Variants in NPAS3 observed in about 807,000 individuals in gnomAD.
NPAS3 encodes the protein neuronal PAS domain protein 3, also known as neuronal PAS domain-containing protein 3.
A neutral mutation model predicts 73.1 loss-of-function variants in NPAS3; 14 were observed. The ratio of observed to expected loss-of-function variants is 0.19; its 90% confidence interval spans 0.13 to 0.30. The LOEUF (loss-of-function observed/expected upper bound fraction) is 0.30. Ranked by LOEUF, NPAS3 falls within the 10% of genes least tolerant of loss-of-function variation. The probability of loss-of-function intolerance (pLI) is 1.00; values close to 1 mark genes in which losing one functional copy is unlikely to be tolerated. For synonymous variants in NPAS3, 620 were observed against 541.5 expected, an observed-to-expected ratio of 1.14 and a Z score of -2.01; for missense variants, 1,096 against 1,250.0, an observed-to-expected ratio of 0.88 and a Z score of 1.86.
At chr14:33,226,001 A>G (rs1364237464) in intron 3 of NPAS3, among the ~76,000 whole-genome samples, 2 of 152,234 alleles carry the variant, frequency 1.3e-5, no homozygotes, top group African/African-American at 2.4e-5. Context: ...GATGGCTGTC[A>G]TGACTAAATT....
At chr14:33,243,634 G>A (rs914405857) in intron 3 of NPAS3, among the ~76,000 whole-genome samples, 1 of 152,064 alleles carries the variant, frequency 6.6e-6, no homozygotes, top group Non-Finnish European at 1.5e-5. Flanking sequence ...TCTGCTGCCT[G>A]GATGCTGAAG....
chr14:32,987,371 G>A (rs1395209094), intron 1 of NPAS3, among the ~76,000 whole-genome samples: 1 of 150,854 alleles, frequency 6.6e-6, no homozygotes, highest in African/African-American at 2.4e-5. Flanking sequence ...CATGACATCA[G>A]GATGAAGGAA....
intron 4 of NPAS3, among the ~76,000 whole-genome samples, chr14:33,432,876 A>G (rs565551905): frequency 6.6e-6 from 1 of 152,354 alleles, no homozygotes; most frequent in African/African-American, 2.4e-5. Context: ...AACATTCATT[A>G]CCAATAATTT....
At chr14:32,969,445 T>C (rs777469442) in intron 1 of NPAS3, among the ~76,000 whole-genome samples, 3 of 152,160 alleles carry the variant, frequency 2.0e-5, no homozygotes, top group African/African-American at 2.4e-5. Context: ...AAAAATGTAC[T>C]AATAATATGC....
chr14:33,024,370 C>T (rs1416917661), intron 1 of NPAS3, among the ~76,000 whole-genome samples: 1 of 152,010 alleles, frequency 6.6e-6, no homozygotes, highest in East Asian at 1.9e-4. Flanking sequence ...AGGGGTTTTT[C>T]CATGCTGGCC....
intron 3 of NPAS3, among the ~76,000 whole-genome samples, chr14:33,268,297 C>T (rs1182593107): frequency 6.6e-6 from 1 of 152,120 alleles, no homozygotes; most frequent in African/African-American, 2.4e-5. Context: ...TGATCTCTTC[C>T]CCAGCTTAGA....
intron 7 of NPAS3, among the ~76,000 whole-genome samples, chr14:33,750,923 GCAT>G (rs974520748): frequency 5.9e-5 from 9 of 152,296 alleles, no homozygotes; most frequent in African/African-American, 2.2e-4. Flanking sequence ...CTCAAAGACA[GCAT>G]CATGTTAACC....
At chr14:33,045,789 G>T (rs932872137) in intron 1 of NPAS3, among the ~76,000 whole-genome samples, 1 of 152,148 alleles carries the variant, frequency 6.6e-6, no homozygotes, top group Non-Finnish European at 1.5e-5. Context: ...GTTGGAAATG[G>T]TTAGAGTAAT....
intron 1 of NPAS3, among the ~76,000 whole-genome samples, chr14:32,951,123 A>G (rs186254096): frequency 4.0e-4 from 61 of 152,144 alleles, no homozygotes; most frequent in Non-Finnish European, 7.9e-4. Context: ...TCAGTCTTCC[A>G]TTATCTTTGT....
chr14:33,108,752 C>T (rs2042799102), intron 2 of NPAS3, among the ~76,000 whole-genome samples: 1 of 152,018 alleles, frequency 6.6e-6, no homozygotes, highest in African/African-American at 2.4e-5. Flanking sequence ...TTCTGACAGC[C>T]TTTTTTAGGG....
At chr14:33,600,365 A>C (rs1465057222) in intron 5 of NPAS3, among the ~76,000 whole-genome samples, 1 of 152,106 alleles carries the variant, frequency 6.6e-6, no homozygotes, top group Non-Finnish European at 1.5e-5. Flanking sequence ...TATTCTCTTT[A>C]TGCATTTTCT....
At chr14:33,560,605 C>A (rs2055596330) in intron 5 of NPAS3, among the ~76,000 whole-genome samples, 1 of 152,142 alleles carries the variant, frequency 6.6e-6, no homozygotes, top group Non-Finnish European at 1.5e-5. Context: ...GACACAATGG[C>A]AGGAGTCATT....
intron 5 of NPAS3, among the ~76,000 whole-genome samples, chr14:33,602,582 A>G (rs1462653642): frequency 6.6e-6 from 1 of 152,172 alleles, no homozygotes; most frequent in African/African-American, 2.4e-5. Flanking sequence ...GCCCACACCC[A>G]CTGTTGAAGC....
intron 2 of NPAS3, among the ~76,000 whole-genome samples, chr14:33,196,538 G>A (rs1306091533): frequency 6.6e-6 from 1 of 152,162 alleles, no homozygotes; most frequent in Non-Finnish European, 1.5e-5. Flanking sequence ...CCTTGAAAAC[G>A]CATAGATGGG....
At chr14:33,262,788 G>A (rs2049021458) in intron 3 of NPAS3, among the ~76,000 whole-genome samples, 1 of 152,072 alleles carries the variant, frequency 6.6e-6, no homozygotes, top group African/African-American at 2.4e-5. Context: ...ATTTGAAAAA[G>A]TAACTGATTT....
At chr14:33,625,530 C>A (rs76990785) in intron 5 of NPAS3, among the ~76,000 whole-genome samples, 22 of 152,246 alleles carry the variant, frequency 1.4e-4, no homozygotes, top group Non-Finnish European at 2.8e-4. Context: ...TTTTGGTGAA[C>A]AACTATATGC....
rs1231098839 is a variant in NPAS3, at chr14:33,800,518, G to C, written c.2211G>C (p.Ala737=). ...CTCAGTTCGGCGCCTCGGCCACCGC[G>C]GCCCTGGCCCCCGTCGCCTCCGACC... The change falls in exon 12 of 12, where the codon GCG becomes GCC. Residue 737 remains alanine, a synonymous_variant. Transcript: ENST00000356141. The surrounding 1 kb of genome is among the most constrained non-coding windows in gnomAD (Gnocchi z 6.5). 3.6e-6 allele frequency: 5 copies of C among 1,391,240 alleles called. 1 individual carries two copies. The African/African-American group carries it at 6.2e-5, about 17-fold the overall frequency. 86.2% of individuals were successfully genotyped at this position (1,391,240 alleles called of 1,614,324 possible). A position where few individuals can be genotyped will look rare whatever the true frequency, so the allele number is the denominator to read the frequency against.
At chr14:33,523,722 G>C (rs907251274) in intron 4 of NPAS3, among the ~76,000 whole-genome samples, 2 of 152,106 alleles carry the variant, frequency 1.3e-5, no homozygotes, top group African/African-American at 4.8e-5. Flanking sequence ...AGAGGTTGCA[G>C]TGAGCTGAGA....
intron 7 of NPAS3, among the ~76,000 whole-genome samples, chr14:33,762,640 A>G (rs2062330490): frequency 6.6e-6 from 1 of 152,136 alleles, no homozygotes; most frequent in African/African-American, 2.4e-5. Context: ...AATCAGTGGT[A>G]TGGAGGAAAC....
Sources: allele counts gnomAD v4.1 joint callset (sites outside exome capture counted in the v4.1 genomes callset), GRCh38; gene constraint gnomAD v4.1.1; non-coding constraint Gnocchi (gnomAD v3.1); transcripts MANE v1.5; gene names NCBI Gene and HGNC (gene_info 2026-07-23, HGNC 2026-07-21).